NETO1: variants seen among roughly 807,000 people sequenced by gnomAD.
NETO1 encodes neuropilin and tolloid-like protein 1.
NETO1 carries 26 observed loss-of-function variants against 61.3 expected under a neutral mutation model. That is an observed-to-expected ratio of 0.42 (90% CI 0.31 to 0.59). The LOEUF is 0.59. Ranked by LOEUF, NETO1 falls within the 20% of genes least tolerant of loss-of-function variation. NETO1 has a pLI of 0.12. For missense variants in NETO1, 531 were observed against 662.8 expected (o/e 0.80, Z 2.18); for synonymous variants, 225 against 225.8 (o/e 1.00, Z 0.03).
At chr18:72,794,430 A>C in intron 4 of NETO1, 26 bp from the exon 5 acceptor site, 2 of 1,595,940 alleles carry the variant, frequency 1.3e-6, no homozygotes, top group Non-Finnish European at 1.7e-6. Flanking sequence ...AAAGACAATT[A>C]GTCCCATTCT....
intron 4 of NETO1, chr18:72,834,616 GA>G: frequency 1.0e-6 from 1 of 983,314 alleles, no homozygotes; most frequent in South Asian, 4.7e-5. Context: ...GGAGCTACAG[GA>G]AATTTATGTT....
intron 4 of NETO1, among the ~76,000 whole-genome samples, chr18:72,855,692 T>C (rs1356776995): frequency 6.6e-6 from 1 of 152,036 alleles, no homozygotes; most frequent in Non-Finnish European, 1.5e-5. Flanking sequence ...TAGACTCAGA[T>C]ACAAAGAAAT....
At chr18:72,811,196 C>T (rs986816401) in intron 4 of NETO1, among the ~76,000 whole-genome samples, 2 of 152,150 alleles carry the variant, frequency 1.3e-5, no homozygotes, top group African/African-American at 2.4e-5. Context: ...ACTTTTCTGA[C>T]GTCCAGATCT....
At position 72,803,488 on chromosome 18, in the gene NETO1, T is replaced by C. The variant is rs558478688; in HGVS notation, c.470-9084A>G. 2.0e-5 allele frequency among the ~76,000 whole-genome samples: 3 copies of C among 152,258 alleles called. No homozygotes were observed. In the East Asian group the frequency reaches 5.8e-4, roughly 29 times the overall value. On this transcript the variant is annotated intron_variant, in intron 4 of 10. Transcript: ENST00000327305. ...AGCTATCACTTGTTGAGCTTTGGTG[T>C]AGTACAAAAGAATAATCACCCCTCC...
chr18:72,848,689 G>T (rs769684217), intron 4 of NETO1, among the ~76,000 whole-genome samples: 21 of 152,152 alleles, frequency 1.4e-4, no homozygotes, highest in Admixed American at 3.9e-4. Context: ...CTACCTTCTG[G>T]ACTTAACTCC....
At chr18:72,853,750 T>TTA (rs570259953) in intron 4 of NETO1, among the ~76,000 whole-genome samples, 1 of 16,474 alleles carries the variant, frequency 6.1e-5, no homozygotes, top group Non-Finnish European at 1.4e-4. Flanking sequence ...GAGTGAGATG[T>TTA]CAAAAAAAAA....
chr18:72,825,524 G>A (rs1228189178), intron 4 of NETO1, among the ~76,000 whole-genome samples: 1 of 151,228 alleles, frequency 6.6e-6, no homozygotes, highest in Non-Finnish European at 1.5e-5. Context: ...TAGTTTCTTT[G>A]TTTTATTTCA....
chr18:72,792,661 A>C (rs1280088082), intron 6 of NETO1, among the ~76,000 whole-genome samples: 3 of 151,776 alleles, frequency 2.0e-5, no homozygotes, highest in Admixed American at 6.6e-5. Flanking sequence ...CCAAATATGC[A>C]AATCTGGTCA....
At chr18:72,772,825 C>CTCTCTCTCTCTATATATA (rs1568187563) in intron 7 of NETO1, among the ~76,000 whole-genome samples, 1 of 40,868 alleles carries the variant, frequency 2.4e-5, no homozygotes, top group African/African-American at 1.1e-4. Flanking sequence ...CTCTCTCTCT[C>CTCTCTCTCTCTATATATA]TATATATATA....
intron 4 of NETO1, among the ~76,000 whole-genome samples, chr18:72,832,045 T>C (rs1430560718): frequency 6.6e-6 from 1 of 152,212 alleles, no homozygotes; most frequent in East Asian, 1.9e-4. Context: ...TGGTACTCCC[T>C]GTTTCCCTAA....
chr18:72,772,749 C>CTCTCTATATA (rs1344703171), intron 7 of NETO1, among the ~76,000 whole-genome samples: 3 of 27,142 alleles, frequency 1.1e-4, no homozygotes, highest in South Asian at 4.0e-3. Context: ...ACACATCTCT[C>CTCTCTATATA]TATATATATC....
Position 72,746,075 on chromosome 18 carries a change from A to T in NETO1, c.*2104T>A, listed in dbSNP as rs2070425265. ...TAAGCAGGGAATCAGCATTCTGTAT[A>T]TTCAGGAGAAACTGGAGGGGACGGA... On this transcript the variant is annotated 3_prime_UTR_variant, in exon 11 of 11. Transcript: ENST00000327305. 6.6e-6 allele frequency: 1 copy of T among 152,150 alleles called. No homozygotes were observed. Among genetic ancestry groups the T allele is most frequent in the African/African-American group, 2.4e-5 (1 of 41,442 alleles). The allele number at this position is 152,150 out of a possible 1,614,324, so 9.4% of individuals were successfully genotyped here.
intron 7 of NETO1, among the ~76,000 whole-genome samples, chr18:72,767,640 A>G (rs1055713227): frequency 6.6e-6 from 1 of 152,164 alleles, no homozygotes; most frequent in Non-Finnish European, 1.5e-5. Context: ...AAGTCCATCG[A>G]TAATTCATTT....
intron 10 of NETO1, 152 bp downstream of exon 10, chr18:72,748,862 C>CTG (rs2070494239): frequency 6.5e-6 from 1 of 154,592 alleles, no homozygotes; most frequent in South Asian, 2.0e-4. Flanking sequence ...CCTATAAACA[C>CTG]TGAACCCATC....
At chr18:72,826,120 C>T (rs1028060321) in intron 4 of NETO1, among the ~76,000 whole-genome samples, 11 of 152,070 alleles carry the variant, frequency 7.2e-5, no homozygotes, top group South Asian at 2.1e-4. Context: ...CCACAATTAT[C>T]GTGGTTTGCT....
At chr18:72,865,023 T>A in intron 2 of NETO1, 78 bp from the exon 3 acceptor site, 3 of 1,474,188 alleles carry the variant, frequency 2.0e-6, no homozygotes, top group Non-Finnish European at 1.8e-6. Context: ...GACATTCTTA[T>A]AATATCCATT....
intron 4 of NETO1, among the ~76,000 whole-genome samples, chr18:72,824,961 G>A (rs565944093): frequency 1.4e-4 from 21 of 152,178 alleles, no homozygotes; most frequent in African/African-American, 5.1e-4. Flanking sequence ...TAGAGTAACA[G>A]AACAAGAAAA....
intron 7 of NETO1, among the ~76,000 whole-genome samples, chr18:72,781,365 C>T (rs1487256222): frequency 6.6e-6 from 1 of 152,138 alleles, no homozygotes; most frequent in Non-Finnish European, 1.5e-5. Flanking sequence ...GATCAATCAG[C>T]AGTGAGCCAC....
chr18:72,778,502 C>G (rs2145208980), intron 7 of NETO1, among the ~76,000 whole-genome samples: 1 of 152,214 alleles, frequency 6.6e-6, no homozygotes, highest in Middle Eastern at 3.4e-3. Flanking sequence ...TTTGCCCGGA[C>G]ATTTTCTCAG....
Sources: gnomAD v4.1 joint callset for allele counts (sites outside exome capture counted in the v4.1 genomes callset) on GRCh38, gnomAD v4.1.1 for gene constraint, MANE v1.5 for transcripts, NCBI Gene and HGNC (gene_info 2026-07-23, HGNC 2026-07-21) for gene names.